SERPINB13: variants seen among roughly 807,000 people sequenced by gnomAD.
SERPINB13 encodes serpin B13.
A neutral mutation model predicts 31.2 loss-of-function variants in SERPINB13; 26 were observed. The observed-to-expected ratio is 0.83, with a 90% CI of 0.61 to 1.15. SERPINB13 has a LOEUF of 1.15. Ranked by LOEUF, SERPINB13 falls within the 50% of genes most tolerant of loss-of-function variation. The pLI, the probability that SERPINB13 is intolerant of heterozygous loss-of-function variation, is 0.00. For missense variants in SERPINB13, 510 were observed against 469.4 expected (o/e 1.09, Z -0.80); for synonymous variants, 191 against 172.4 (o/e 1.11, Z -0.85).
rs994792070 is a variant in SERPINB13, at chr18:63,592,987, G to T, written c.472+16G>T. On this transcript the variant is annotated intron_variant, in intron 5 of 7. Transcript: ENST00000344731. ...AAAACAAATGGTAGAGTATGGGTGG[G>T]TCATTCATTGCAAAAAAACAAAAAC... The T allele has an allele frequency of 2.1e-6, 3 of 1,445,028 alleles. No homozygotes were observed. Among genetic ancestry groups the T allele is most frequent in the Non-Finnish European group, 1.9e-6 (2 of 1,048,282 alleles). 89.5% of individuals were successfully genotyped at this position (1,445,028 alleles called of 1,614,324 possible).
chr18:63,590,475 A>C (rs1458421202), intron 3 of SERPINB13, among the ~76,000 whole-genome samples: 1 of 152,096 alleles, frequency 6.6e-6, no homozygotes, highest in Non-Finnish European at 1.5e-5. Context: ...CAACCCCAAA[A>C]GGCTAGGTCG....
intron 5 of SERPINB13, chr18:63,594,017 A>G (rs934261680): frequency 3.6e-6 from 2 of 548,142 alleles, no homozygotes; most frequent in South Asian, 1.5e-5. Flanking sequence ...TTTTATTCCT[A>G]TTTTACAGAT....
chr18:63,588,497 G>A (rs1048514200), intron 1 of SERPINB13, among the ~76,000 whole-genome samples, 154 bp from the exon 2 acceptor site: 1 of 152,212 alleles, frequency 6.6e-6, no homozygotes, highest in African/African-American at 2.4e-5. Flanking sequence ...GGCCAAGAGA[G>A]GACGTGAGAA....
intron 7 of SERPINB13, among the ~76,000 whole-genome samples, chr18:63,595,500 A>G (rs1674224962): frequency 6.6e-6 from 1 of 152,164 alleles, no homozygotes; most frequent in Non-Finnish European, 1.5e-5. Context: ...ACATATGCAT[A>G]TATACAACCA....
intron 1 of SERPINB13, among the ~76,000 whole-genome samples, chr18:63,587,858 A>T (rs1226341908): frequency 2.0e-5 from 3 of 152,252 alleles, no homozygotes; most frequent in African/African-American, 7.2e-5. Flanking sequence ...AAACATAAAA[A>T]CAGTTCTACC....
chr18:63,592,927 A>C lies in SERPINB13; in HGVS notation c.428A>C (p.Glu143Ala). 2.5e-6 allele frequency: 4 copies of C among 1,613,658 alleles called. No homozygotes were observed. Among genetic ancestry groups the C allele is most frequent in the Non-Finnish European group, 2.5e-6 (3 of 1,179,708 alleles). The change falls in exon 5 of 8, where the codon GAA becomes GCA. Residue 143 changes from glutamate to alanine, a missense_variant. By Grantham distance (107) the Glu-to-Ala change is moderately radical. Coordinates refer to ENST00000344731, the MANE Select transcript of SERPINB13 (RefSeq NM_012397.4). ...GTTGATTTTGTAAATGCAGCCGATG[A>C]AAGTCGAAAGAAGATTAATTCCTGG... ...EPVDFVNAAD[E>A]SRKKINSWVE...
In SERPINB13 at chr18:63,597,541, G is replaced by A. The variant is rs149995376; in HGVS notation, c.*178G>A. On this transcript the variant is annotated 3_prime_UTR_variant, in exon 8 of 8. Transcript: ENST00000344731. Reference sequence around the variant, plus strand: ...TGTGTGTTTATAACCATCCTCGAAAGTGAAATGTCCTTTTCTTTGTGCCAT... The same window carrying A: ...TGTGTGTTTATAACCATCCTCGAAAATGAAATGTCCTTTTCTTTGTGCCAT... The A allele has an allele frequency of 2.6e-4, 171 of 658,074 alleles. 1 individual carries two copies. The African/African-American group carries it at 2.8e-3, about 11-fold the overall frequency. The allele number at this position is 658,074 out of a possible 1,614,324, so 40.8% of individuals were successfully genotyped here. A position where few individuals can be genotyped will look rare whatever the true frequency, so the allele number is the denominator to read the frequency against.
Position 63,588,842 on chromosome 18 carries a change from A to C in SERPINB13, c.165+10A>C. 1.2e-6 allele frequency: 2 copies of C among 1,611,830 alleles called. No homozygotes were observed. Among genetic ancestry groups the C allele is most frequent in the Non-Finnish European group, 1.7e-6 (2 of 1,179,262 alleles). On this transcript the variant is annotated intron_variant, in intron 2 of 7. Transcript: ENST00000344731. ...TTCCCAGTTGGAGGAGGTTGGGCGCAGTCAGGGGGCTTCCTTGTTTCCTAT... is the reference window on the plus strand; with the variant it reads ...TTCCCAGTTGGAGGAGGTTGGGCGCCGTCAGGGGGCTTCCTTGTTTCCTAT...
intron 3 of SERPINB13, chr18:63,589,963 C>A: frequency 1.5e-6 from 1 of 657,678 alleles, no homozygotes; most frequent in Non-Finnish European, 2.3e-6. Context: ...TATGATAGAA[C>A]TGGTAAAGGC....
intron 2 of SERPINB13, 121 bp downstream of exon 2, chr18:63,588,953 G>A: frequency 9.0e-7 from 1 of 1,110,428 alleles, no homozygotes. Context: ...CCAGGAAACA[G>A]AGACTTTCAA....
intron 1 of SERPINB13, 122 bp from the exon 2 acceptor site, chr18:63,588,529 C>A (rs1404532318): frequency 8.9e-6 from 9 of 1,016,134 alleles, no homozygotes; most frequent in Non-Finnish European, 1.3e-5. Context: ...CGACCTTTCA[C>A]CAAAAGGGTG....
chr18:63,596,885 C>A, intron 7 of SERPINB13, 74 bp from the exon 8 acceptor site: 1 of 1,219,728 alleles, frequency 8.2e-7, no homozygotes. Flanking sequence ...TTCTGACTGA[C>A]ACAAATCAGT....
intron 1 of SERPINB13, 74 bp from the exon 2 acceptor site, chr18:63,588,577 T>C: frequency 6.9e-7 from 1 of 1,447,344 alleles, no homozygotes. Context: ...AGAAGAGGAA[T>C]AGAAGCAGAA....
Position 63,598,482 on chromosome 18 carries a change from T to C in SERPINB13, c.*1119T>C, listed in dbSNP as rs1345298666. On this transcript the variant is annotated 3_prime_UTR_variant, in exon 8 of 8. Transcript: ENST00000344731. ...GTTTTCTGTCTTTATAAGTTTTTCT[T>C]TCTACATCTTATATAAATGGAATCA... 1 of 152,214 alleles carries C rather than the reference T, an allele frequency of 6.6e-6. No individual in the cohort carries two copies. Among genetic ancestry groups the C allele is most frequent in the Non-Finnish European group, 1.5e-5 (1 of 68,022 alleles). The allele number at this position is 152,214 out of a possible 1,614,324, so 9.4% of individuals were successfully genotyped here. A position where few individuals can be genotyped will look rare whatever the true frequency, so the allele number is the denominator to read the frequency against.
At chr18:63,590,556 T>C (rs1230499802) in intron 3 of SERPINB13, among the ~76,000 whole-genome samples, 1 of 152,200 alleles carries the variant, frequency 6.6e-6, no homozygotes, top group Non-Finnish European at 1.5e-5. Flanking sequence ...AGTTGGGTCA[T>C]ATGGCCACTG....
At position 63,587,432 on chromosome 18, in the gene SERPINB13, G is replaced by A. The variant is rs1180698099; in HGVS notation, c.-36G>A. The A allele has an allele frequency of 1.1e-5, 5 of 470,910 alleles. No homozygotes were observed. Among genetic ancestry groups the A allele is most frequent in the East Asian group, 6.9e-5 (1 of 14,416 alleles). 29.2% of individuals were successfully genotyped at this position (470,910 alleles called of 1,614,324 possible). ...CCTAGTTCGTTGCCCAGCCACCACC[G>A]TCTCTCCAAAAACCCGAGGTAAGTT... On this transcript the variant is annotated 5_prime_UTR_variant, in exon 1 of 8. Transcript: ENST00000344731.
chr18:63,596,901 A>G, intron 7 of SERPINB13, 58 bp from the exon 8 acceptor site: 2 of 1,382,812 alleles, frequency 1.4e-6, no homozygotes, highest in Non-Finnish European at 2.0e-6. Flanking sequence ...TCAGTGTTAC[A>G]CTGTTTTAGA....
intron 3 of SERPINB13, among the ~76,000 whole-genome samples, chr18:63,591,979 C>T (rs911074807): frequency 5.9e-5 from 9 of 152,104 alleles, no homozygotes; most frequent in South Asian, 2.1e-4. Context: ...AGATAAGAAT[C>T]GTCCGGAGAA....
At chr18:63,593,160 C>T (rs559492955) in intron 5 of SERPINB13, among the ~76,000 whole-genome samples, 189 bp downstream of exon 5, 6 of 152,220 alleles carry the variant, frequency 3.9e-5, no homozygotes, top group Admixed American at 3.3e-4. Context: ...AAGCCCAGGC[C>T]TAGGAGGTAG....
Sources: allele counts gnomAD v4.1 joint callset (sites outside exome capture counted in the v4.1 genomes callset), GRCh38; gene constraint gnomAD v4.1.1; transcripts MANE v1.5; gene names NCBI Gene and HGNC (gene_info 2026-07-23, HGNC 2026-07-21).